The following ATG5 variants were observed in gnomAD, a reference collection of about 807,000 sequenced individuals.
ATG5 encodes the protein autophagy related 5.
Under a neutral mutation model 36.5 loss-of-function variants are expected in ATG5, and 14 were observed. That is an observed-to-expected ratio of 0.38 (90% CI 0.25 to 0.60). The LOEUF (loss-of-function observed/expected upper bound fraction) is 0.60, where lower values mean the gene tolerates loss of function less well. ATG5 is among the 20% of genes least tolerant of loss of function. The pLI, the probability that ATG5 is intolerant of heterozygous loss-of-function variation, is 0.60. For missense variants in ATG5, 195 were observed against 326.7 expected (o/e 0.60, Z 3.11); for synonymous variants, 95 against 101.5 (o/e 0.94, Z 0.38).
intron 3 of ATG5, among the ~76,000 whole-genome samples, chr6:106,298,817 A>G (rs558975870): frequency 1.1e-4 from 16 of 152,204 alleles, no homozygotes; most frequent in Non-Finnish European, 2.2e-4. Flanking sequence ...CTTATTTCTA[A>G]TGAATCTACT....
intron 4 of ATG5, among the ~76,000 whole-genome samples, chr6:106,291,168 T>C (rs1165677302): frequency 6.6e-6 from 1 of 152,238 alleles, no homozygotes; most frequent in Non-Finnish European, 1.5e-5. Context: ...ATATTTGGCA[T>C]GCAACAGAGG....
intron 3 of ATG5, among the ~76,000 whole-genome samples, chr6:106,307,741 G>A (rs973821686): frequency 1.3e-5 from 2 of 151,926 alleles, no homozygotes; most frequent in African/African-American, 4.8e-5. Context: ...TCTCCATGTT[G>A]GTCAGGCTGG....
chr6:106,264,718 C>T (rs1343446170), intron 5 of ATG5, among the ~76,000 whole-genome samples: 1 of 152,090 alleles, frequency 6.6e-6, no homozygotes, highest in African/African-American at 2.4e-5. Context: ...AATTTTCAAC[C>T]CAGAATTTCA....
chr6:106,283,607 C>T (rs1195572562), intron 4 of ATG5: 1 of 152,090 alleles, frequency 6.6e-6, no homozygotes, highest in East Asian at 1.9e-4. Flanking sequence ...TGTGGAAATT[C>T]AATCGGCATA....
chr6:106,271,889 G>A lies in ATG5; in HGVS notation c.478+7772C>T, dbSNP rs142349658. 4.0e-3 allele frequency among the ~76,000 whole-genome samples: 602 copies of A among 152,290 alleles called. 2 individuals are homozygous for A. Among genetic ancestry groups the A allele is most frequent in the African/African-American group, 0.013 (553 of 41,562 alleles). Reference sequence around the variant, plus strand: ...TATGCATAGGATTAGTTCTCTGGAAGTGCCTAGAATATTCCCACTTTAGTG... The same window carrying A: ...TATGCATAGGATTAGTTCTCTGGAAATGCCTAGAATATTCCCACTTTAGTG... On this transcript the variant is annotated intron_variant, in intron 5 of 7. Coordinates refer to ENST00000369076, the MANE Select transcript of ATG5 (RefSeq NM_004849.4).
chr6:106,285,813 A>G (rs897035933), intron 4 of ATG5, among the ~76,000 whole-genome samples: 2 of 152,132 alleles, frequency 1.3e-5, no homozygotes, highest in African/African-American at 4.8e-5. Context: ...ATTTTTTTAA[A>G]TTTTTTTCTA....
intron 3 of ATG5, 143 bp from the exon 4 acceptor site, chr6:106,293,249 C>T (rs1030740281): frequency 1.6e-5 from 11 of 685,468 alleles, no homozygotes; most frequent in Middle Eastern, 4.1e-4. Flanking sequence ...TCTACAGTTA[C>T]GTGCCTAGGC....
chr6:106,217,994 T>G (rs1327509448), intron 6 of ATG5, among the ~76,000 whole-genome samples: 1 of 152,194 alleles, frequency 6.6e-6, no homozygotes, highest in Admixed American at 6.5e-5. Context: ...TAACTTATGA[T>G]TATTAAACAG....
chr6:106,217,735 T>C (rs1777095271), intron 6 of ATG5: 2 of 152,376 alleles, frequency 1.3e-5, no homozygotes, highest in Non-Finnish European at 1.5e-5. Context: ...CTATTACTTA[T>C]ATGGCTTGTC....
intron 6 of ATG5, among the ~76,000 whole-genome samples, chr6:106,221,891 CTTA>C (rs951013384): frequency 6.6e-6 from 1 of 151,730 alleles, no homozygotes; most frequent in Non-Finnish European, 1.5e-5. Context: ...ATATGAGTGT[CTTA>C]TTATTATTTT....
intron 4 of ATG5, among the ~76,000 whole-genome samples, chr6:106,284,159 G>C (rs530277826): frequency 6.6e-6 from 1 of 152,094 alleles, no homozygotes; most frequent in South Asian, 2.1e-4. Context: ...TCCCTATTTT[G>C]CATATCAGAA....
In ATG5 at chr6:106,293,125, A is replaced by C. The variant is rs776010627; in HGVS notation, c.237-19T>G. ...ATAATGCCTAAAAATGAAACAGTAT[A>C]TTTTGAGAAAATAAATATTTAAAGT... On this transcript the variant is annotated intron_variant, in intron 3 of 7. Transcript: ENST00000369076. The C allele has an allele frequency of 2.4e-5, 39 of 1,596,802 alleles. No homozygotes were observed. The South Asian group carries it at 2.7e-4, about 11-fold the overall frequency.
chr6:106,219,326 G>T (rs934923012), intron 6 of ATG5, among the ~76,000 whole-genome samples: 1 of 152,146 alleles, frequency 6.6e-6, no homozygotes, highest in African/African-American at 2.4e-5. Context: ...GTTAAATGAA[G>T]TTCAAAAATA....
At chr6:106,278,820 TAGAG>T (rs1779761079) in intron 5 of ATG5, among the ~76,000 whole-genome samples, 2 of 152,236 alleles carry the variant, frequency 1.3e-5, no homozygotes, top group South Asian at 4.1e-4. Flanking sequence ...ATAACAGACA[TAGAG>T]AGGCCAATCA....
At chr6:106,305,091 CAA>C (rs71756848) in intron 3 of ATG5, among the ~76,000 whole-genome samples, 53 of 118,450 alleles carry the variant, frequency 4.5e-4, no homozygotes, top group East Asian at 5.0e-4. Context: ...AACTCCGTCT[CAA>C]AAAAAAAAAA....
At position 106,299,113 on chromosome 6, in the gene ATG5, G is replaced by T. The variant is rs1048705605; in HGVS notation, c.237-6007C>A. Among the ~76,000 whole-genome samples the T allele has an allele frequency of 2.8e-4, 42 of 152,158 alleles. 2 individuals carry two copies. The highest frequency in any genetic ancestry group is 3.5e-4 in the Non-Finnish European group (24 of 68,024). On this transcript the variant is annotated intron_variant, in intron 3 of 7. Coordinates refer to ENST00000369076, the MANE Select transcript of ATG5 (RefSeq NM_004849.4). ...AGCAAGTAGTAAGGATTTGAACCTG[G>T]AATACGGTCCACCCTTGGTACGTGT... is the stretch of plus-strand genomic sequence containing the variant.
chr6:106,298,431 G>C (rs919280479), intron 3 of ATG5, among the ~76,000 whole-genome samples: 2 of 151,990 alleles, frequency 1.3e-5, no homozygotes, highest in Non-Finnish European at 2.9e-5. Context: ...TGCACCTGTA[G>C]TCCCAGCTAC....
At chr6:106,244,853 T>C (rs991094794) in intron 6 of ATG5, among the ~76,000 whole-genome samples, 3 of 152,238 alleles carry the variant, frequency 2.0e-5, no homozygotes, top group Non-Finnish European at 2.9e-5. Context: ...CAGGATAACA[T>C]TTATCAATCT....
chr6:106,266,482 T>G (rs766153685), intron 5 of ATG5, among the ~76,000 whole-genome samples: 33 of 152,150 alleles, frequency 2.2e-4, no homozygotes, highest in Non-Finnish European at 4.7e-4. Flanking sequence ...GAGGGACTCC[T>G]CCCTAACTCA....
Sources: gnomAD v4.1 joint callset for allele counts (sites outside exome capture counted in the v4.1 genomes callset) on GRCh38, gnomAD v4.1.1 for gene constraint, MANE v1.5 for transcripts, NCBI Gene and HGNC (gene_info 2026-07-23, HGNC 2026-07-21) for gene names.